ITGA11: variants seen among roughly 807,000 people sequenced by gnomAD.
The protein encoded by ITGA11 is integrin subunit alpha 11, also known as integrin alpha-11.
A neutral mutation model predicts 141.9 loss-of-function variants in ITGA11; 97 were observed. The ratio of observed to expected loss-of-function variants is 0.68; its 90% CI spans 0.58 to 0.81. ITGA11 has a LOEUF of 0.81. Among genes scored for constraint, ITGA11 ranks in the 30% least tolerant of loss-of-function variants. The pLI, the probability that ITGA11 is intolerant of heterozygous loss-of-function variation, is 0.00. For synonymous variants in ITGA11, 658 were observed against 624.6 expected (o/e 1.05, Z -0.80); for missense variants, 1,387 against 1,559.2 (o/e 0.89, Z 1.86).
intron 1 of ITGA11, among the ~76,000 whole-genome samples, chr15:68,406,497 T>A (rs1461789133): frequency 1.3e-5 from 2 of 152,166 alleles, no homozygotes. Context: ...CCCTCCAGTC[T>A]TAGAATCTCT....
intron 1 of ITGA11, among the ~76,000 whole-genome samples, chr15:68,403,928 G>A (rs1025307890): frequency 1.2e-4 from 18 of 152,098 alleles, no homozygotes; most frequent in Admixed American, 4.6e-4. Flanking sequence ...TACAGACCCT[G>A]TACATGGATA....
At chr15:68,362,673 T>C (rs1016857118) in intron 4 of ITGA11, among the ~76,000 whole-genome samples, 1 of 143,374 alleles carries the variant, frequency 7.0e-6, no homozygotes, top group Non-Finnish European at 1.5e-5. Flanking sequence ...GATAAATGGA[T>C]GGAAGATGGA....
chr15:68,364,780 T>C lies in ITGA11; in HGVS notation c.284A>G (p.Asn95Ser). 1 of 1,613,724 alleles carries C rather than the reference T, an allele frequency of 6.2e-7. No individual in the cohort carries two copies. Reference sequence around the variant, plus strand: ...CATGTTGTCTTTCCGCTCGGACACGTTGGACAGGGTGACCCTTCCTGGGGT... The same window carrying C: ...CATGTTGTCTTTCCGCTCGGACACGCTGGACAGGGTGACCCTTCCTGGGGT... ...KLNLGRVTLS[N>S]VSERKDNMRL... Residue 95 changes from asparagine (N) to serine (S), a missense_variant, in exon 4 of 30, where the codon AAC becomes AGC. By Grantham distance (46) the Asn-to-Ser change is conservative. Coordinates refer to ENST00000315757, the MANE Select transcript of ITGA11 (RefSeq NM_001004439.2).
At chr15:68,384,977 C>A (rs1176227831) in intron 2 of ITGA11, among the ~76,000 whole-genome samples, 5 of 152,246 alleles carry the variant, frequency 3.3e-5, no homozygotes, top group Admixed American at 3.3e-4. Context: ...TCCTCAAAAC[C>A]TGTCCCTGGA....
At chr15:68,388,487 C>T (rs1567153637) in intron 2 of ITGA11, among the ~76,000 whole-genome samples, 1 of 152,086 alleles carries the variant, frequency 6.6e-6, no homozygotes, top group Non-Finnish European at 1.5e-5. Context: ...TTCCATGGCA[C>T]AGATAACTAT....
At chr15:68,383,147 T>A (rs1322093798) in intron 2 of ITGA11, among the ~76,000 whole-genome samples, 1 of 152,052 alleles carries the variant, frequency 6.6e-6, no homozygotes, top group Non-Finnish European at 1.5e-5. Context: ...GGCGGGCACC[T>A]GTAGTCCCAG....
chr15:68,394,046 C>A (rs902726911), intron 2 of ITGA11, among the ~76,000 whole-genome samples: 1 of 152,114 alleles, frequency 6.6e-6, no homozygotes, highest in Non-Finnish European at 1.5e-5. Flanking sequence ...CGACTGACAC[C>A]ACAGTGGTAT....
chr15:68,303,745 C>G lies in ITGA11; in HGVS notation c.3495+27G>C. 6.6e-7 allele frequency: 1 copy of G among 1,517,618 alleles called. No homozygotes were observed. The highest frequency in any genetic ancestry group is 9.1e-7 in the Non-Finnish European group (1 of 1,096,810). 94.0% of individuals were successfully genotyped at this position (1,517,618 alleles called of 1,614,324 possible). ...TGGGCCCACCAGCCAGGATGCTGCTCCTTCCCTCCCCTGCCAGGGCCCTCA... is the reference window on the plus strand; with the variant it reads ...TGGGCCCACCAGCCAGGATGCTGCTGCTTCCCTCCCCTGCCAGGGCCCTCA... On this transcript the variant is annotated intron_variant, in intron 29 of 29. Coordinates refer to ENST00000315757, the MANE Select transcript of ITGA11 (RefSeq NM_001004439.2). The surrounding 1 kb of genome is among the most constrained non-coding windows in gnomAD (Gnocchi z 5.3).
rs745656835 is a variant in ITGA11, at chr15:68,358,596, G to A, written c.473-11C>T. On this transcript the variant is annotated splice_polypyrimidine_tract_variant and intron_variant, in intron 5 of 29. Coordinates refer to ENST00000315757, the MANE Select transcript of ITGA11 (RefSeq NM_001004439.2). Reference sequence around the variant, plus strand: ...TGTAGGTCTGGCACCCTGGAAAGTGGGGACACAGTTATGGCTACCCAAGGA... The same window carrying A: ...TGTAGGTCTGGCACCCTGGAAAGTGAGGACACAGTTATGGCTACCCAAGGA... 1 of 1,607,614 alleles carries A rather than the reference G, an allele frequency of 6.2e-7. No individual in the cohort carries two copies. The highest frequency in any genetic ancestry group is 8.5e-7 in the Non-Finnish European group (1 of 1,177,498).
chr15:68,421,583 T>C (rs1294614317), intron 1 of ITGA11, among the ~76,000 whole-genome samples: 1 of 151,878 alleles, frequency 6.6e-6, no homozygotes, highest in South Asian at 2.1e-4. Flanking sequence ...ATGGGAGCTT[T>C]TCTGTCCCCT....
At chr15:68,428,494 G>A (rs756295594) in intron 1 of ITGA11, among the ~76,000 whole-genome samples, 27 of 152,260 alleles carry the variant, frequency 1.8e-4, no homozygotes, top group African/African-American at 4.6e-4. Context: ...ATGGGGTCAT[G>A]GTGAGTAAGC....
intron 20 of ITGA11, among the ~76,000 whole-genome samples, chr15:68,318,885 C>T (rs1384287284): frequency 1.3e-5 from 2 of 152,208 alleles, no homozygotes; most frequent in Non-Finnish European, 2.9e-5. Flanking sequence ...CCCCGCAACA[C>T]CCACACATGA....
intron 11 of ITGA11, among the ~76,000 whole-genome samples, chr15:68,336,619 G>A (rs1187221455): frequency 6.6e-6 from 1 of 152,220 alleles, no homozygotes; most frequent in East Asian, 1.9e-4. Context: ...TCTCCTGAAA[G>A]TGGGCTCCAG....
intron 2 of ITGA11, among the ~76,000 whole-genome samples, chr15:68,400,687 T>TATATATTATATAATAA (rs1896461238): frequency 8.8e-5 from 3 of 34,176 alleles, no homozygotes; most frequent in African/African-American, 3.7e-4. Flanking sequence ...TAATAAATAT[T>TATATATTATATAATAA]ATATTATATA....
Position 68,321,111 on chromosome 15 carries a change from C to T in ITGA11, c.2408+307G>A, listed in dbSNP as rs575115458. ...GGACAAGCACCCAGAACTCCAGAGACTCCTGTCTCTACCTTTCATCTATTT... is the reference window on the plus strand; with the variant it reads ...GGACAAGCACCCAGAACTCCAGAGATTCCTGTCTCTACCTTTCATCTATTT... On this transcript the variant is annotated intron_variant, in intron 19 of 29. Transcript: ENST00000315757. The surrounding 1 kb of genome is among the most constrained non-coding windows in gnomAD (Gnocchi z 4.9). Among the ~76,000 whole-genome samples, 271 of 151,872 alleles carry T rather than the reference C, an allele frequency of 1.8e-3. 2 individuals carry two copies. Among genetic ancestry groups the T allele is most frequent in the Admixed American group, 6.9e-3 (106 of 15,260 alleles).
chr15:68,335,808 C>T lies in ITGA11; in HGVS notation c.1314G>A (p.Gly438=). ...TVTSVVSSRQ[G]RVYVAGAPRF... ...GGGGGGCTCCGGCCACGTACACCCG[C>T]CCCTGCCTGGAGGACACGACCGATG... Residue 438 remains glycine (G), a synonymous_variant, in exon 12 of 30, where the codon GGG becomes GGA. Transcript: ENST00000315757. This position sits in a 1 kb window ranked among gnomAD's most constrained non-coding sequence, Gnocchi z 4.9. The T allele has an allele frequency of 1.9e-6, 3 of 1,613,358 alleles. No homozygotes were observed. The highest frequency in any genetic ancestry group is 2.2e-5 in the South Asian group (2 of 90,922).
rs542319836 is a variant in ITGA11, at chr15:68,328,460, G to T, written c.1902-198C>A. 2.0e-5 allele frequency among the ~76,000 whole-genome samples: 3 copies of T among 152,096 alleles called. No individual in the cohort carries two copies. On this transcript the variant is annotated intron_variant, in intron 15 of 29. Coordinates refer to ENST00000315757, the MANE Select transcript of ITGA11 (RefSeq NM_001004439.2). The surrounding 1 kb of genome is among the most constrained non-coding windows in gnomAD (Gnocchi z 4.8). ...GGACTGGCAAGAGCGAGCACGGGGCGAAAGGGGCTCAGCCACCTCATGGCC... is the reference window on the plus strand; with the variant it reads ...GGACTGGCAAGAGCGAGCACGGGGCTAAAGGGGCTCAGCCACCTCATGGCC...
At chr15:68,309,590 C>CTTTTTT (rs913221357) in intron 26 of ITGA11, among the ~76,000 whole-genome samples, 7 of 108,752 alleles carry the variant, frequency 6.4e-5, no homozygotes, top group Non-Finnish European at 9.2e-5. Flanking sequence ...CAATACAGTC[C>CTTTTTT]TTTTTTTTTT....
intron 1 of ITGA11, among the ~76,000 whole-genome samples, chr15:68,406,586 C>T (rs897565388): frequency 1.3e-5 from 2 of 152,162 alleles, no homozygotes; most frequent in African/African-American, 4.8e-5. Context: ...TTCCTCATAG[C>T]GTTTATCACA....
Sources: gnomAD v4.1 joint callset for allele counts (sites outside exome capture counted in the v4.1 genomes callset) on GRCh38, gnomAD v4.1.1 for gene constraint, Gnocchi (gnomAD v3.1) non-coding constraint, MANE v1.5 for transcripts, NCBI Gene and HGNC (gene_info 2026-07-23, HGNC 2026-07-21) for gene names.